Variants in GPR39 observed in about 807,000 individuals in gnomAD.
GPR39 encodes G protein-coupled receptor 39.
A neutral mutation model predicts 18.4 loss-of-function variants in GPR39; 23 were observed. The ratio of observed to expected loss-of-function variants is 1.25; its 90% CI spans 0.90 to 1.77. The LOEUF is 1.77. Among genes scored for constraint, GPR39 ranks in the 40% most tolerant of loss-of-function variants. The probability of loss-of-function intolerance (pLI) is 0.00; values close to 1 mark genes in which losing one functional copy is unlikely to be tolerated. For missense variants in GPR39, 647 were observed against 602.4 expected (o/e 1.07, Z -0.78); for synonymous variants, 280 against 257.9 (o/e 1.09, Z -0.82).
At chr2:132,564,447 C>A (rs1680310470) in intron 1 of GPR39, among the ~76,000 whole-genome samples, 1 of 152,138 alleles carries the variant, frequency 6.6e-6, no homozygotes, top group Admixed American at 6.5e-5. Flanking sequence ...CTTCTCCTTT[C>A]ATCTTATGTT....
At chr2:132,625,768 C>T (rs1293140162) in intron 1 of GPR39, among the ~76,000 whole-genome samples, 1 of 152,088 alleles carries the variant, frequency 6.6e-6, no homozygotes, top group Non-Finnish European at 1.5e-5. Flanking sequence ...CTTCATTAAC[C>T]TTCTGACATT....
intron 1 of GPR39, among the ~76,000 whole-genome samples, chr2:132,508,472 T>C (rs895795557): frequency 1.3e-5 from 2 of 151,922 alleles, no homozygotes; most frequent in African/African-American, 4.8e-5. Context: ...CCTCCGAGAA[T>C]TGGAGACTAA....
intron 1 of GPR39, among the ~76,000 whole-genome samples, chr2:132,528,604 T>C (rs1399452759): frequency 6.6e-6 from 1 of 152,196 alleles, no homozygotes; most frequent in African/African-American, 2.4e-5. Flanking sequence ...CATGCACTGA[T>C]TTTCTTGAAC....
At chr2:132,636,072 A>G (rs1468275123) in intron 1 of GPR39, among the ~76,000 whole-genome samples, 2 of 152,028 alleles carry the variant, frequency 1.3e-5, no homozygotes, top group African/African-American at 2.4e-5. Context: ...TGATGAGTAC[A>G]CCCCATATCT....
intron 1 of GPR39, among the ~76,000 whole-genome samples, chr2:132,611,884 A>G (rs1341049740): frequency 6.6e-6 from 1 of 152,210 alleles, no homozygotes; most frequent in Non-Finnish European, 1.5e-5. Flanking sequence ...TGAAGTGTTA[A>G]TGTGAGGCAT....
At chr2:132,419,703 G>GCCTTA (rs1303086627) in intron 1 of GPR39, among the ~76,000 whole-genome samples, 6 of 152,204 alleles carry the variant, frequency 3.9e-5, no homozygotes, top group African/African-American at 1.2e-4. Flanking sequence ...TAAACTGTAA[G>GCCTTA]GTGTAATTTA....
chr2:132,619,623 C>G (rs1681398578), intron 1 of GPR39, among the ~76,000 whole-genome samples: 1 of 152,174 alleles, frequency 6.6e-6, no homozygotes, highest in Non-Finnish European at 1.5e-5. Context: ...TAGGAAGTCT[C>G]TGTCCCCTGG....
At chr2:132,616,900 C>T (rs923605095) in intron 1 of GPR39, among the ~76,000 whole-genome samples, 4 of 152,216 alleles carry the variant, frequency 2.6e-5, no homozygotes, top group Admixed American at 1.3e-4. Flanking sequence ...GCTCCCGCCA[C>T]GGTCCCTACT....
intron 1 of GPR39, among the ~76,000 whole-genome samples, chr2:132,446,103 G>A (rs1178534505): frequency 1.3e-5 from 2 of 152,222 alleles, no homozygotes; most frequent in South Asian, 2.1e-4. Context: ...GTAGATTAAA[G>A]CAGATTTTCA....
intron 1 of GPR39, among the ~76,000 whole-genome samples, chr2:132,522,561 A>G (rs1679445033): frequency 6.6e-6 from 1 of 152,220 alleles, no homozygotes; most frequent in Non-Finnish European, 1.5e-5. Context: ...TCCTGATTTC[A>G]TGGAGGAGGG....
intron 1 of GPR39, among the ~76,000 whole-genome samples, chr2:132,498,653 G>C (rs189628632): frequency 3.1e-4 from 47 of 152,266 alleles, no homozygotes; most frequent in Non-Finnish European, 5.6e-4. Context: ...TCTTCACACT[G>C]TTTTCCATAG....
At chr2:132,497,021 A>G (rs1681653685) in intron 1 of GPR39, among the ~76,000 whole-genome samples, 1 of 152,228 alleles carries the variant, frequency 6.6e-6, no homozygotes. Context: ...ATTGGCTATC[A>G]TGACAGCAGT....
At chr2:132,604,082 A>G (rs1293804820) in intron 1 of GPR39, among the ~76,000 whole-genome samples, 1 of 152,138 alleles carries the variant, frequency 6.6e-6, no homozygotes, top group Non-Finnish European at 1.5e-5. Flanking sequence ...TAACCGAGAC[A>G]TGCTTGCCCT....
chr2:132,463,340 A>G (rs60427733), intron 1 of GPR39, among the ~76,000 whole-genome samples: 142 of 149,386 alleles, frequency 9.5e-4, no homozygotes, highest in African/African-American at 3.0e-3. Context: ...GGGTGGTGTG[A>G]GGTCTTTGGA....
At chr2:132,587,594 C>T (rs1018851191) in intron 1 of GPR39, among the ~76,000 whole-genome samples, 11 of 152,072 alleles carry the variant, frequency 7.2e-5, no homozygotes, top group East Asian at 1.9e-4. Context: ...TGCGGTAGTG[C>T]GATCTCAGCT....
rs549009023 is a variant in GPR39, at chr2:132,556,764, C to G, written c.857-88337C>G. 2.5e-4 allele frequency among the ~76,000 whole-genome samples: 38 copies of G among 152,278 alleles called. 2 individuals carry two copies. The highest frequency in any genetic ancestry group is 2.3e-3 in the Admixed American group (35 of 15,300). ...ACTTGGACAATTCTACTGACCGCTC[C>G]AGGCCTTCTGTCCTAATTAAGCACA... On this transcript the variant is annotated intron_variant, in intron 1 of 1. Coordinates refer to ENST00000329321, the MANE Select transcript of GPR39 (RefSeq NM_001508.3).
At chr2:132,621,118 GC>G (rs1453994238) in intron 1 of GPR39, among the ~76,000 whole-genome samples, 2 of 152,118 alleles carry the variant, frequency 1.3e-5, no homozygotes, top group African/African-American at 4.8e-5. Context: ...TGTCTCCGGT[GC>G]TTGAGTAGTT....
intron 1 of GPR39, among the ~76,000 whole-genome samples, chr2:132,566,470 G>A (rs1225859820): frequency 5.3e-5 from 8 of 152,156 alleles, no homozygotes; most frequent in South Asian, 2.1e-4. Context: ...GATCAGAAGC[G>A]GGGTGAGGCC....
intron 1 of GPR39, among the ~76,000 whole-genome samples, chr2:132,471,783 C>A (rs116229643): frequency 6.6e-6 from 1 of 151,934 alleles, no homozygotes; most frequent in Non-Finnish European, 1.5e-5. Flanking sequence ...CATTGTCGTA[C>A]TTCCTTTGCA....
Sources: allele counts gnomAD v4.1 joint callset (sites outside exome capture counted in the v4.1 genomes callset), GRCh38; gene constraint gnomAD v4.1.1; transcripts MANE v1.5; gene names NCBI Gene and HGNC (gene_info 2026-07-23, HGNC 2026-07-21).